INSYN2B: variants seen among roughly 807,000 people sequenced by gnomAD.
INSYN2B encodes protein INSYN2B.
In INSYN2B, 16 loss-of-function variants were observed where a neutral mutation model predicts 41.2. That is an observed-to-expected ratio of 0.39 (90% CI 0.26 to 0.59). INSYN2B has a LOEUF of 0.59. INSYN2B is among the 20% of genes least tolerant of loss of function. The pLI, the probability that INSYN2B is intolerant of heterozygous loss-of-function variation, is 0.57. For missense variants in INSYN2B, 608 were observed against 646.4 expected (o/e 0.94, Z 0.64); for synonymous variants, 245 against 244.4 (o/e 1.00, Z -0.02).
chr5:169,922,604 T>G (rs1775235085), intron 1 of INSYN2B, among the ~76,000 whole-genome samples: 1 of 152,244 alleles, frequency 6.6e-6, no homozygotes, highest in African/African-American at 2.4e-5. Context: ...TCACCTACAT[T>G]ATCTTTCTAA....
At chr5:169,954,504 C>T (rs1293420552) in intron 1 of INSYN2B, among the ~76,000 whole-genome samples, 2 of 152,198 alleles carry the variant, frequency 1.3e-5, no homozygotes, top group African/African-American at 4.8e-5. Flanking sequence ...AGAAAGACCT[C>T]TTGGCCACCC....
At chr5:169,958,713 G>GA (rs1353275044) in intron 1 of INSYN2B, among the ~76,000 whole-genome samples, 3 of 152,028 alleles carry the variant, frequency 2.0e-5, no homozygotes, top group Non-Finnish European at 4.4e-5. Flanking sequence ...TTAAGGCCAG[G>GA]AAAAAAGCTG....
chr5:169,936,319 G>T (rs1162664097), intron 1 of INSYN2B, among the ~76,000 whole-genome samples: 1 of 152,146 alleles, frequency 6.6e-6, no homozygotes, highest in Admixed American at 6.5e-5. Context: ...AGGGCAGTGG[G>T]TTCCTAGGGC....
intron 3 of INSYN2B, among the ~76,000 whole-genome samples, chr5:169,879,262 G>A (rs1044966187): frequency 6.6e-6 from 1 of 152,088 alleles, no homozygotes; most frequent in Admixed American, 6.5e-5. Context: ...AGAGATCACG[G>A]CTTAACAAGG....
In INSYN2B at chr5:169,861,939, T is replaced by C. The variant is rs1482023640; in HGVS notation, c.*2334A>G. Among the ~76,000 whole-genome samples the C allele has an allele frequency of 1.6e-5, 1 of 62,274 alleles. No individual in the cohort carries two copies. Among genetic ancestry groups the C allele is most frequent in the African/African-American group, 3.8e-5 (1 of 26,020 alleles). The allele number at this position is 62,274 out of a possible 152,430, so 40.9% of individuals were successfully genotyped here. On this transcript the variant is annotated 3_prime_UTR_variant, in exon 4 of 4. Transcript: ENST00000377365. ...TATTTTTTTCTTTTCTTTTCTTTTC[T>C]TTTTTTTTTGTTGGGGAAGTGCAGA...
chr5:169,963,969 C>T (rs910928260), intron 1 of INSYN2B, among the ~76,000 whole-genome samples: 2 of 152,044 alleles, frequency 1.3e-5, no homozygotes, highest in Non-Finnish European at 2.9e-5. Flanking sequence ...ACAGAGAGAA[C>T]CACTGCTTCA....
chr5:169,868,773 A>G lies in INSYN2B; in HGVS notation c.1422-4314T>C, dbSNP rs80139630. Reference sequence around the variant, plus strand: ...TTGTCCCCATCTCAAAAAGAAAATGATATTAATGCTCTGGATGATTCTAGA... The same window carrying G: ...TTGTCCCCATCTCAAAAAGAAAATGGTATTAATGCTCTGGATGATTCTAGA... On this transcript the variant is annotated intron_variant, in intron 3 of 3. Coordinates refer to ENST00000377365, the MANE Select transcript of INSYN2B (RefSeq NM_001129891.3). 6.7e-4 allele frequency among the ~76,000 whole-genome samples: 102 copies of G among 152,248 alleles called. 2 individuals are homozygous for G. In the East Asian group the frequency reaches 0.018, roughly 27 times the overall value.
At position 169,937,845 on chromosome 5, in the gene INSYN2B, A is replaced by G. The variant is rs547671827; in HGVS notation, c.-919+42432T>C. On this transcript the variant is annotated intron_variant, in intron 1 of 3. Transcript: ENST00000377365. ...TCTATTGGTCACTGACAACACTGAA[A>G]TCAAATATTTCTTCTCTCACGTGAG... is the stretch of plus-strand genomic sequence containing the variant. Among the ~76,000 whole-genome samples the G allele has an allele frequency of 2.0e-4, 30 of 152,290 alleles. No individual in the cohort carries two copies. The South Asian group carries it at 5.6e-3, about 28-fold the overall frequency.
chr5:169,881,138 G>A (rs993186824), intron 3 of INSYN2B, among the ~76,000 whole-genome samples: 8 of 152,182 alleles, frequency 5.3e-5, no homozygotes, highest in African/African-American at 1.9e-4. Flanking sequence ...CATGATGCCT[G>A]CACTTAGTGT....
At chr5:169,924,365 A>G (rs367996286) in intron 1 of INSYN2B, among the ~76,000 whole-genome samples, 4 of 152,316 alleles carry the variant, frequency 2.6e-5, no homozygotes, top group African/African-American at 9.6e-5. Flanking sequence ...CTAAAAGTCT[A>G]ACCTCTTTTT....
chr5:169,875,308 G>C (rs1423962166), intron 3 of INSYN2B: 1 of 456,678 alleles, frequency 2.2e-6, no homozygotes, highest in Non-Finnish European at 4.4e-6. Flanking sequence ...CCAGCAACAA[G>C]TTTCCATAGA....
intron 1 of INSYN2B, among the ~76,000 whole-genome samples, chr5:169,916,273 G>A (rs1387412885): frequency 6.6e-6 from 1 of 152,236 alleles, no homozygotes; most frequent in African/African-American, 2.4e-5. Context: ...AGGTGTGTTT[G>A]TCCAACAGGA....
chr5:169,928,516 G>A (rs1775586016), intron 1 of INSYN2B, among the ~76,000 whole-genome samples: 1 of 152,200 alleles, frequency 6.6e-6, no homozygotes, highest in African/African-American at 2.4e-5. Flanking sequence ...CAAGTTACGG[G>A]AGTAACCTTG....
intron 1 of INSYN2B, among the ~76,000 whole-genome samples, chr5:169,922,792 T>C (rs1272785733): frequency 6.6e-6 from 1 of 152,216 alleles, no homozygotes; most frequent in African/African-American, 2.4e-5. Flanking sequence ...TTTGATTGGA[T>C]ATAACCTACA....
chr5:169,955,433 C>T (rs2015421), intron 1 of INSYN2B, among the ~76,000 whole-genome samples: 1 of 152,106 alleles, frequency 6.6e-6, no homozygotes, highest in Non-Finnish European at 1.5e-5. Context: ...GAGGAGGATG[C>T]GCCCCTGGAC....
chr5:169,974,376 T>A (rs1777637824), intron 1 of INSYN2B, among the ~76,000 whole-genome samples: 1 of 152,214 alleles, frequency 6.6e-6, no homozygotes, highest in South Asian at 2.1e-4. Flanking sequence ...TTCTCTTTCT[T>A]CTGGTTTTTT....
rs115189414 is a variant in INSYN2B at position 169,898,616 on chromosome 5, A to G, written c.-918-13800T>C. On this transcript the variant is annotated intron_variant, in intron 1 of 3. Coordinates refer to ENST00000377365, the MANE Select transcript of INSYN2B (RefSeq NM_001129891.3). Reference sequence around the variant, plus strand: ...AAAGAATGACAGTTAAGCTCTTAACATAGTGTCTATCTTATCTACTATATC... The same window carrying G: ...AAAGAATGACAGTTAAGCTCTTAACGTAGTGTCTATCTTATCTACTATATC... Among the ~76,000 whole-genome samples the G allele has an allele frequency of 9.5e-4, 145 of 152,342 alleles. 1 individual carries two copies. The highest frequency in any genetic ancestry group is 3.4e-3 in the African/African-American group (141 of 41,580).
At chr5:169,955,502 C>A (rs1776828530) in intron 1 of INSYN2B, among the ~76,000 whole-genome samples, 2 of 152,170 alleles carry the variant, frequency 1.3e-5, no homozygotes, top group Admixed American at 1.3e-4. Flanking sequence ...TACCTTACAT[C>A]TTTATACCTT....
In INSYN2B at chr5:169,967,291, G is replaced by A. The variant is rs139668745; in HGVS notation, c.-919+12986C>T. On this transcript the variant is annotated intron_variant, in intron 1 of 3. Transcript: ENST00000377365. The stretch of plus-strand genomic sequence containing the variant: ...TTCCAGATGAAGTGATTTCAAATAC[G>A]GGACCTGAAGTTCAGTAGAGGTGAC... 2.8e-4 allele frequency among the ~76,000 whole-genome samples: 43 copies of A among 152,314 alleles called. No homozygotes were observed. In the East Asian group the frequency reaches 7.9e-3, roughly 28 times the overall value.
Sources: gnomAD v4.1 joint callset for allele counts (sites outside exome capture counted in the v4.1 genomes callset) on GRCh38, gnomAD v4.1.1 for gene constraint, MANE v1.5 for transcripts, NCBI Gene and HGNC (gene_info 2026-07-23, HGNC 2026-07-21) for gene names.